Variants in MED12L observed in about 807,000 individuals in gnomAD.
MED12L encodes the protein mediator of RNA polymerase II transcription subunit 12-like protein.
Under a neutral mutation model 281.3 loss-of-function variants are expected in MED12L, and 60 were observed. That is an observed-to-expected ratio of 0.21 (90% CI 0.17 to 0.26). The LOEUF is 0.26. Ranked by LOEUF, MED12L falls within the 10% of genes least tolerant of loss-of-function variation. The pLI, the probability that MED12L is intolerant of heterozygous loss-of-function variation, is 1.00. For synonymous variants in MED12L, 974 were observed against 987.2 expected, an observed-to-expected ratio of 0.99 and a Z score of 0.25; for missense variants, 2,146 against 2,680.9, an observed-to-expected ratio of 0.80 and a Z score of 4.41.
At chr3:151,409,742 A>G (rs940954669) in intron 40 of MED12L, among the ~76,000 whole-genome samples, 1 of 152,024 alleles carries the variant, frequency 6.6e-6, no homozygotes, top group Non-Finnish European at 1.5e-5. Context: ...GGATTGCTTC[A>G]CCCCCAGAAT....
chr3:151,095,581 A>G (rs1209338445), intron 2 of MED12L, among the ~76,000 whole-genome samples: 10 of 152,186 alleles, frequency 6.6e-5, no homozygotes, highest in Non-Finnish European at 1.5e-4. Flanking sequence ...CAGGTGAGCC[A>G]CTGTGCCTGG....
intron 16 of MED12L, among the ~76,000 whole-genome samples, chr3:151,210,121 A>C (rs918897004): frequency 6.6e-6 from 1 of 152,100 alleles, no homozygotes; most frequent in Non-Finnish European, 1.5e-5. Context: ...TTATATCTTC[A>C]TGGCACACCC....
intron 16 of MED12L, among the ~76,000 whole-genome samples, chr3:151,266,213 A>G (rs1739809065): frequency 6.6e-6 from 1 of 152,200 alleles, no homozygotes; most frequent in South Asian, 2.1e-4. Flanking sequence ...GATTTCTGTT[A>G]AATAAGTAGA....
At chr3:151,336,810 C>A in intron 16 of MED12L, 1 of 220,698 alleles carries the variant, frequency 4.5e-6, no homozygotes, top group South Asian at 5.8e-5. Flanking sequence ...GTCATGGTAT[C>A]TAATATCTTT....
At chr3:151,402,136 A>G (rs1326451946) in intron 39 of MED12L, among the ~76,000 whole-genome samples, 2 of 152,316 alleles carry the variant, frequency 1.3e-5, no homozygotes, top group Middle Eastern at 3.4e-3. Context: ...AATTCCTCCT[A>G]TACTTTCCAA....
At chr3:151,182,296 G>GT (rs61220976) in intron 11 of MED12L, among the ~76,000 whole-genome samples, 1,511 of 147,324 alleles carry the variant, frequency 0.01, 22 homozygotes, top group African/African-American at 0.03. Flanking sequence ...ATTAGAATGA[G>GT]TTTTTTTTTT....
At chr3:151,336,210 A>C (rs970365557) in intron 16 of MED12L, among the ~76,000 whole-genome samples, 2 of 152,210 alleles carry the variant, frequency 1.3e-5, no homozygotes, top group Non-Finnish European at 2.9e-5. Context: ...AGTGAACTGT[A>C]CTAGTCTACA....
chr3:151,161,406 C>T (rs534240310), intron 8 of MED12L, among the ~76,000 whole-genome samples: 46 of 152,068 alleles, frequency 3.0e-4, no homozygotes, highest in African/African-American at 1.0e-3. Flanking sequence ...AGTGAGGTTG[C>T]CTGAAGAATT....
chr3:151,369,672 C>A, intron 26 of MED12L, 123 bp downstream of exon 26: 1 of 604,200 alleles, frequency 1.7e-6, no homozygotes, highest in Non-Finnish European at 2.7e-6. Flanking sequence ...CGCTTATTCT[C>A]CTGGAAAAAT....
chr3:151,169,106 GTTTTTTTTTTTT>G (rs765289999), intron 11 of MED12L, among the ~76,000 whole-genome samples: 1 of 115,948 alleles, frequency 8.6e-6, no homozygotes, highest in Non-Finnish European at 1.8e-5. Flanking sequence ...CTTTTTCTTT[GTTTTTTTTTTTT>G]TTTGTTTTTT....
At chr3:151,273,940 C>A (rs1326693082) in intron 16 of MED12L, among the ~76,000 whole-genome samples, 1 of 152,140 alleles carries the variant, frequency 6.6e-6, no homozygotes, top group African/African-American at 2.4e-5. Flanking sequence ...AAGACAGAGT[C>A]TTTTCTTTTG....
At chr3:151,419,235 A>G (rs550712811) in intron 43 of MED12L, among the ~76,000 whole-genome samples, 109 of 152,338 alleles carry the variant, frequency 7.2e-4, no homozygotes, top group African/African-American at 2.5e-3. Context: ...AATGGAATAG[A>G]TATGTATATA....
At chr3:151,145,038 T>C (rs1002547987) in intron 5 of MED12L, among the ~76,000 whole-genome samples, 7 of 152,206 alleles carry the variant, frequency 4.6e-5, no homozygotes, top group Non-Finnish European at 1.0e-4. Context: ...AGTCACTGTT[T>C]TAGCATGTTG....
intron 27 of MED12L, among the ~76,000 whole-genome samples, chr3:151,374,824 A>T (rs889650209): frequency 2.6e-5 from 4 of 152,326 alleles, no homozygotes; most frequent in Admixed American, 2.6e-4. Flanking sequence ...TATACAAAAA[A>T]GTATACTCAG....
At chr3:151,357,909 C>G (rs1754123852) in intron 20 of MED12L, among the ~76,000 whole-genome samples, 1 of 152,160 alleles carries the variant, frequency 6.6e-6, no homozygotes, top group Non-Finnish European at 1.5e-5. Flanking sequence ...ACAGAATTAG[C>G]TAATACCACC....
chr3:151,142,093 C>T (rs986455401), intron 5 of MED12L, among the ~76,000 whole-genome samples: 5 of 152,160 alleles, frequency 3.3e-5, no homozygotes, highest in African/African-American at 7.2e-5. Context: ...AGGCTGGTTT[C>T]GTAGCTTCTC....
intron 16 of MED12L, among the ~76,000 whole-genome samples, chr3:151,225,611 C>T (rs1232836350): frequency 6.6e-6 from 1 of 152,196 alleles, no homozygotes; most frequent in Non-Finnish European, 1.5e-5. Flanking sequence ...CAAACCGTAG[C>T]AGCTTTCTGT....
chr3:151,278,881 T>C (rs1742342799), intron 16 of MED12L, among the ~76,000 whole-genome samples: 1 of 152,240 alleles, frequency 6.6e-6, no homozygotes, highest in South Asian at 2.1e-4. Flanking sequence ...TGTTGCATTG[T>C]CATTTTTCCC....
intron 16 of MED12L, among the ~76,000 whole-genome samples, chr3:151,333,505 A>C (rs1171309183): frequency 1.3e-5 from 2 of 152,236 alleles, no homozygotes; most frequent in African/African-American, 4.8e-5. Flanking sequence ...TGCCAATCAA[A>C]TTTAAAATCA....
Sources: gnomAD v4.1 joint callset for allele counts (sites outside exome capture counted in the v4.1 genomes callset) on GRCh38, gnomAD v4.1.1 for gene constraint, MANE v1.5 for transcripts, NCBI Gene and HGNC (gene_info 2026-07-23, HGNC 2026-07-21) for gene names.